SLC8A1: variants seen among roughly 807,000 people sequenced by gnomAD.
SLC8A1 encodes sodium/calcium exchanger 1.
A neutral mutation model predicts 68.3 loss-of-function variants in SLC8A1; 18 were observed. That is an observed-to-expected ratio of 0.26 (90% CI 0.18 to 0.39). The LOEUF is 0.39. Ranked by LOEUF, SLC8A1 falls within the 10% of genes least tolerant of loss-of-function variation. The probability of loss-of-function intolerance (pLI) is 1.00; values close to 1 mark genes in which losing one functional copy is unlikely to be tolerated. For synonymous variants in SLC8A1, 475 were observed against 415.5 expected (o/e 1.14, Z -1.74); for missense variants, 985 against 1,156.7 (o/e 0.85, Z 2.15).
intron 2 of SLC8A1, among the ~76,000 whole-genome samples, chr2:40,337,797 T>C (rs1050009401): frequency 2.0e-5 from 3 of 152,206 alleles, no homozygotes; most frequent in Non-Finnish European, 2.9e-5. Flanking sequence ...ATTTCAGTTA[T>C]TGTACATCTT....
intron 2 of SLC8A1, among the ~76,000 whole-genome samples, chr2:40,249,420 A>C (rs2062391275): frequency 6.6e-6 from 1 of 152,236 alleles, no homozygotes; most frequent in African/African-American, 2.4e-5. Context: ...ATTTTTCAAA[A>C]TTTAGTCTCT....
intron 2 of SLC8A1, among the ~76,000 whole-genome samples, chr2:40,306,150 C>T (rs923332630): frequency 5.9e-5 from 9 of 152,180 alleles, no homozygotes; most frequent in Non-Finnish European, 1.3e-4. Flanking sequence ...AGCAGATAAG[C>T]TTGGGGAACC....
At chr2:40,358,807 C>T (rs1399246105) in intron 2 of SLC8A1, among the ~76,000 whole-genome samples, 1 of 152,162 alleles carries the variant, frequency 6.6e-6, no homozygotes, top group African/African-American at 2.4e-5. Flanking sequence ...TAAACAACAA[C>T]ACTAATGAAT....
At chr2:40,275,151 G>C (rs1036265539) in intron 2 of SLC8A1, among the ~76,000 whole-genome samples, 1 of 152,198 alleles carries the variant, frequency 6.6e-6, no homozygotes. Context: ...AGTTGAAGCT[G>C]TTGTATTGCA....
chr2:40,321,496 AAT>A (rs2149341523), intron 2 of SLC8A1, among the ~76,000 whole-genome samples: 1 of 152,184 alleles, frequency 6.6e-6, no homozygotes, highest in African/African-American at 2.4e-5. Context: ...TCATGCTACT[AAT>A]AAAGACATAC....
intron 2 of SLC8A1, among the ~76,000 whole-genome samples, chr2:40,309,587 A>G (rs748420740): frequency 6.7e-6 from 1 of 148,276 alleles, no homozygotes; most frequent in Non-Finnish European, 1.5e-5. Context: ...GCTGACCATA[A>G]TTTCTGCTCC....
chr2:40,505,253 A>G (rs1409226808), intron 1 of SLC8A1, among the ~76,000 whole-genome samples: 1 of 151,898 alleles, frequency 6.6e-6, no homozygotes, highest in African/African-American at 2.4e-5. Context: ...AGTTAGAAAG[A>G]ATGAATAAGA....
chr2:40,281,908 G>A (rs1022362488), intron 2 of SLC8A1, among the ~76,000 whole-genome samples: 3 of 152,086 alleles, frequency 2.0e-5, no homozygotes, highest in Non-Finnish European at 2.9e-5. Flanking sequence ...AATTTTGGGT[G>A]GAATAAAGCC....
chr2:40,184,009 A>T (rs752716713), intron 2 of SLC8A1, among the ~76,000 whole-genome samples: 4 of 152,074 alleles, frequency 2.6e-5, no homozygotes, highest in Non-Finnish European at 5.9e-5. Context: ...TCAAAAAAAC[A>T]ACACACATGC....
At chr2:40,322,289 C>T (rs1197835348) in intron 2 of SLC8A1, among the ~76,000 whole-genome samples, 1 of 151,678 alleles carries the variant, frequency 6.6e-6, no homozygotes, top group Non-Finnish European at 1.5e-5. Flanking sequence ...ATGGAACCAC[C>T]CCAATATCTT....
chr2:40,512,339 CG>C (rs1235367149), intron 1 of SLC8A1: 1 of 152,224 alleles, frequency 6.6e-6, no homozygotes, highest in African/African-American at 2.4e-5. Flanking sequence ...CACAAAAGCC[CG>C]GCACCTACCT....
intron 1 of SLC8A1, chr2:40,512,280 A>T (rs948030707): frequency 3.9e-5 from 6 of 152,250 alleles, no homozygotes; most frequent in African/African-American, 1.4e-4. Flanking sequence ...AAAGGACATC[A>T]AGGGCTCTGG....
At chr2:40,479,539 T>C (rs994531395) in intron 1 of SLC8A1, among the ~76,000 whole-genome samples, 3 of 152,156 alleles carry the variant, frequency 2.0e-5, no homozygotes, top group East Asian at 3.9e-4. Flanking sequence ...TTGGACATAA[T>C]AGTAGTAGGT....
intron 2 of SLC8A1, among the ~76,000 whole-genome samples, chr2:40,304,292 G>A (rs1052734916): frequency 6.6e-6 from 1 of 152,138 alleles, no homozygotes; most frequent in African/African-American, 2.4e-5. Context: ...CTTCTTGAAG[G>A]AAATAAGGAG....
In SLC8A1 at chr2:40,145,606, C is replaced by A. The variant is rs565149162; in HGVS notation, c.2162-5930G>T. Among the ~76,000 whole-genome samples the A allele has an allele frequency of 7.9e-5, 12 of 152,266 alleles. 1 individual carries two copies. The highest frequency in any genetic ancestry group is 6.2e-4 in the South Asian group (3 of 4,830). ...ACTCTCCTGTTACATATTTCTGTTT[C>A]TCTTTTCTTTAAAGGTTCTGAGAGA... On this transcript the variant is annotated intron_variant, in intron 6 of 7. Transcript: ENST00000406785.
chr2:40,392,674 C>A (rs1685680603), intron 2 of SLC8A1, among the ~76,000 whole-genome samples: 1 of 152,036 alleles, frequency 6.6e-6, no homozygotes, highest in African/African-American at 2.4e-5. Flanking sequence ...TTGATATAAC[C>A]TTTAAATTGC....
intron 2 of SLC8A1, among the ~76,000 whole-genome samples, chr2:40,183,193 T>G (rs2049975375): frequency 6.6e-6 from 1 of 152,220 alleles, no homozygotes; most frequent in Admixed American, 6.5e-5. Context: ...GTGAGTCTCC[T>G]GTGACTGGCT....
intron 2 of SLC8A1, among the ~76,000 whole-genome samples, chr2:40,383,926 C>T (rs1490710797): frequency 6.6e-6 from 1 of 152,078 alleles, no homozygotes; most frequent in African/African-American, 2.4e-5. Flanking sequence ...GATCTGGTAA[C>T]AGGGCATCTG....
At chr2:40,366,306 T>C (rs1317913677) in intron 2 of SLC8A1, among the ~76,000 whole-genome samples, 2 of 152,090 alleles carry the variant, frequency 1.3e-5, no homozygotes, top group South Asian at 2.1e-4. Flanking sequence ...TGCTGACACA[T>C]GGTAGTCACA....
Sources: allele counts gnomAD v4.1 joint callset (sites outside exome capture counted in the v4.1 genomes callset), GRCh38; gene constraint gnomAD v4.1.1; transcripts MANE v1.5; gene names NCBI Gene and HGNC (gene_info 2026-07-23, HGNC 2026-07-21).